The following EFL1 variants were observed in gnomAD, a reference collection of about 807,000 sequenced individuals.
EFL1 encodes elongation factor-like GTPase 1.
Under a neutral mutation model 126.7 loss-of-function variants are expected in EFL1, and 76 were observed. The observed-to-expected ratio is 0.60, with a 90% CI of 0.50 to 0.73. The LOEUF (loss-of-function observed/expected upper bound fraction) is 0.73. EFL1 is among the 30% of genes least tolerant of loss of function. The probability of loss-of-function intolerance (pLI) is 0.00; values close to 1 mark genes in which losing one functional copy is unlikely to be tolerated. For synonymous variants in EFL1, 410 were observed against 448.4 expected (o/e 0.91, Z 1.08); for missense variants, 1,128 against 1,343.2 (o/e 0.84, Z 2.50).
chr15:82,262,077 C>G (rs2141349914), intron 1 of EFL1: 1 of 286,076 alleles, frequency 3.5e-6, no homozygotes. Flanking sequence ...ACAGTGACAC[C>G]AGTAACCCTG....
chr15:82,231,062 C>G, intron 7 of EFL1, 91 bp from the exon 8 acceptor site: 1 of 1,442,364 alleles, frequency 6.9e-7, no homozygotes, highest in Non-Finnish European at 9.3e-7. Flanking sequence ...ACGTGTATTA[C>G]TAAACTTAAT....
At chr15:82,163,815 A>G (rs2074048093) in intron 16 of EFL1, 38 bp downstream of exon 16, 6 of 1,606,696 alleles carry the variant, frequency 3.7e-6, no homozygotes, top group Non-Finnish European at 5.1e-6. Flanking sequence ...CTTTAAAAGT[A>G]TAATAAACAT....
intron 19 of EFL1, among the ~76,000 whole-genome samples, chr15:82,131,072 T>A (rs1324925839): frequency 1.3e-5 from 2 of 152,086 alleles, no homozygotes; most frequent in African/African-American, 2.4e-5. Flanking sequence ...GGAAGTAGAT[T>A]CAACAAAACT....
At chr15:82,213,121 A>G (rs1412115315) in intron 15 of EFL1, among the ~76,000 whole-genome samples, 4 of 152,186 alleles carry the variant, frequency 2.6e-5, no homozygotes, top group Non-Finnish European at 5.9e-5. Context: ...ACTTGCAGCT[A>G]AATACAATCT....
intron 15 of EFL1, among the ~76,000 whole-genome samples, chr15:82,202,420 T>C (rs2074478736): frequency 6.6e-6 from 1 of 152,186 alleles, no homozygotes; most frequent in African/African-American, 2.4e-5. Context: ...ATGTGTGACT[T>C]TGGAGGTCTA....
At chr15:82,136,465 C>T (rs972367280) in intron 19 of EFL1, among the ~76,000 whole-genome samples, 1 of 152,162 alleles carries the variant, frequency 6.6e-6, no homozygotes, top group African/African-American at 2.4e-5. Context: ...AAGCATTCTT[C>T]GTCTCAAGGT....
intron 18 of EFL1, among the ~76,000 whole-genome samples, chr15:82,150,994 G>T (rs2141227285): frequency 6.6e-6 from 1 of 152,266 alleles, no homozygotes; most frequent in East Asian, 1.9e-4. Flanking sequence ...CCCCTCTCAA[G>T]ATTTTAATAC....
chr15:82,130,434 T>C lies in EFL1; in HGVS notation c.3302A>G (p.Tyr1101Cys), dbSNP rs1291278807. Residue 1101 changes from tyrosine to cysteine, a missense_variant, in exon 20 of 20, where the codon TAT (tyrosine) becomes TGT (cysteine). Tyr to Cys is a radical substitution (Grantham distance 194). This residue lies in a region of EFL1 where 561 missense variants were observed against 641.7 expected (regional missense o/e 0.87). Transcript: ENST00000268206. ...ATGCTCCACAATCTTTTCTTCCACA[T>C]AAAGCCCCTTCCGCTTTCGTACTGC... ...MNAVRKRKGL[Y>C]VEEKIVEHAE... The C allele has an allele frequency of 1.2e-6, 2 of 1,614,188 alleles. No individual in the cohort carries two copies. Among genetic ancestry groups the C allele is most frequent in the Non-Finnish European group, 1.7e-6 (2 of 1,180,030 alleles).
At chr15:82,148,571 G>A (rs1201769540) in intron 18 of EFL1, among the ~76,000 whole-genome samples, 1 of 152,100 alleles carries the variant, frequency 6.6e-6, no homozygotes, top group Non-Finnish European at 1.5e-5. Flanking sequence ...TTTCTCTTCA[G>A]TGAGGAGAAT....
Position 82,230,927 on chromosome 15 carries a change from T to C in EFL1, c.776A>G (p.Lys259Arg), listed in dbSNP as rs756116757. Residue 259 changes from lysine (K) to arginine (R), a missense_variant, in exon 8 of 20, where the codon AAA becomes AGA. Coordinates refer to ENST00000268206, the MANE Select transcript of EFL1 (RefSeq NM_024580.6). ...ARIYSQKIGI[K>R]KEVLMKTLWG... ...CAAGGTTTTCATAAGAACTTCCTTT[T>C]TGATGCCAATTTTTTGACTGTAGAT... The C allele has an allele frequency of 1.2e-6, 2 of 1,613,476 alleles. No homozygotes were observed. The highest frequency in any genetic ancestry group is 1.7e-5 in the Admixed American group (1 of 60,000).
rs753245798 is a variant in EFL1 at position 82,229,124 on chromosome 15, C to T, written c.856-14G>A. ...CTTTCCTTTGGCCTGTACAAAAGAA[C>T]ATACGGGCTTAAGTTCCTGAACATT... On this transcript the variant is annotated splice_polypyrimidine_tract_variant and intron_variant, in intron 8 of 19. Transcript: ENST00000268206. 1.3e-5 allele frequency: 21 copies of T among 1,597,050 alleles called. No individual in the cohort carries two copies. The highest frequency in any genetic ancestry group is 5.7e-5 in the South Asian group (5 of 87,554).
chr15:82,194,757 A>G (rs1313781049), intron 15 of EFL1, among the ~76,000 whole-genome samples: 1 of 152,226 alleles, frequency 6.6e-6, no homozygotes, highest in Non-Finnish European at 1.5e-5. Flanking sequence ...ATGAAAATAA[A>G]TAGCTTGCTT....
chr15:82,160,810 G>T (rs1411488246), intron 16 of EFL1, among the ~76,000 whole-genome samples: 2 of 152,110 alleles, frequency 1.3e-5, no homozygotes, highest in Non-Finnish European at 2.9e-5. Flanking sequence ...GTATGGCCTT[G>T]GGCAAATTAA....
chr15:82,212,601 T>C (rs1410499154), intron 15 of EFL1, among the ~76,000 whole-genome samples: 2 of 152,222 alleles, frequency 1.3e-5, no homozygotes, highest in Non-Finnish European at 2.9e-5. Flanking sequence ...ACACTCAAAA[T>C]CCTTCTGGTA....
chr15:82,220,014 G>T, intron 13 of EFL1, 64 bp downstream of exon 13: 1 of 1,526,310 alleles, frequency 6.6e-7, no homozygotes, highest in South Asian at 1.3e-5. Flanking sequence ...ACTAAAGGAT[G>T]AGTGTCCCAA....
chr15:82,201,626 T>C (rs555666696), intron 15 of EFL1, among the ~76,000 whole-genome samples: 1 of 151,510 alleles, frequency 6.6e-6, no homozygotes, highest in East Asian at 1.9e-4. Flanking sequence ...GCTTTGTATT[T>C]GTGAACCATT....
At chr15:82,229,202 C>A in intron 8 of EFL1, 92 bp from the exon 9 acceptor site, 1 of 954,180 alleles carries the variant, frequency 1.0e-6, no homozygotes, top group South Asian at 1.9e-5. Flanking sequence ...CAATATGTTT[C>A]ATTTCTACTT....
At chr15:82,204,339 C>T (rs965494370) in intron 15 of EFL1, among the ~76,000 whole-genome samples, 1 of 152,040 alleles carries the variant, frequency 6.6e-6, no homozygotes, top group Non-Finnish European at 1.5e-5. Flanking sequence ...CACCTTTCCC[C>T]CAAGCTATCT....
intron 15 of EFL1, among the ~76,000 whole-genome samples, chr15:82,169,747 G>A (rs2074114654): frequency 1.3e-5 from 2 of 151,818 alleles, no homozygotes; most frequent in African/African-American, 4.8e-5. Flanking sequence ...AGGAAGCTGT[G>A]CTTTCAAATA....
Sources: allele counts gnomAD v4.1 joint callset (sites outside exome capture counted in the v4.1 genomes callset), GRCh38; gene constraint gnomAD v4.1.1; regional missense constraint gnomAD v4.1.1; transcripts MANE v1.5; gene names NCBI Gene and HGNC (gene_info 2026-07-23, HGNC 2026-07-21).